UNC5D: variants seen among roughly 807,000 people sequenced by gnomAD.
UNC5D encodes the protein netrin receptor UNC5D.
A neutral mutation model predicts 105.4 loss-of-function variants in UNC5D; 39 were observed. The observed-to-expected ratio is 0.37, with a 90% CI of 0.29 to 0.48. The LOEUF is 0.48. Among genes scored for constraint, UNC5D ranks in the 20% least tolerant of loss-of-function variants. The probability of loss-of-function intolerance (pLI) is 0.98; values close to 1 mark genes in which losing one functional copy is unlikely to be tolerated. For missense variants in UNC5D, 991 were observed against 1,202.4 expected, an observed-to-expected ratio of 0.82 and a Z score of 2.60; for synonymous variants, 452 against 450.4, an observed-to-expected ratio of 1.00 and a Z score of -0.04.
At chr8:35,784,991 GTTTCAT>G (rs1300544683) in intron 16 of UNC5D, among the ~76,000 whole-genome samples, 2 of 151,748 alleles carry the variant, frequency 1.3e-5, no homozygotes, top group African/African-American at 4.8e-5. Context: ...GAAAAAAATA[GTTTCAT>G]TTTCAGGCAT....
chr8:35,582,709 T>A (rs984257505), intron 3 of UNC5D, among the ~76,000 whole-genome samples: 6 of 152,254 alleles, frequency 3.9e-5, no homozygotes, highest in Admixed American at 3.3e-4. Flanking sequence ...CTTTTCTTTT[T>A]GACTCTTTTC....
chr8:35,604,050 C>G (rs1444743272), intron 4 of UNC5D, among the ~76,000 whole-genome samples: 1 of 152,050 alleles, frequency 6.6e-6, no homozygotes, highest in South Asian at 2.1e-4. Context: ...TACATTTAAG[C>G]TTAGTATTGT....
chr8:35,646,119 C>T (rs1450310447), intron 4 of UNC5D, among the ~76,000 whole-genome samples: 1 of 152,012 alleles, frequency 6.6e-6, no homozygotes, highest in Non-Finnish European at 1.5e-5. Flanking sequence ...CATTGGCATG[C>T]AATTTAGTAG....
chr8:35,722,982 C>G (rs939840025), intron 9 of UNC5D, among the ~76,000 whole-genome samples: 2 of 151,860 alleles, frequency 1.3e-5, no homozygotes, highest in African/African-American at 4.8e-5. Flanking sequence ...TCATGTCAAA[C>G]TGTATCATGT....
At chr8:35,411,813 G>A (rs565211711) in intron 1 of UNC5D, among the ~76,000 whole-genome samples, 9 of 151,764 alleles carry the variant, frequency 5.9e-5, no homozygotes, top group East Asian at 3.9e-4. Context: ...AATGTTTATC[G>A]GAAGTACCCA....
At chr8:35,287,402 T>A (rs3744) in intron 1 of UNC5D, among the ~76,000 whole-genome samples, 67,999 of 151,850 alleles carry the variant, frequency 0.45, 15,624 homozygotes, top group East Asian at 0.7. Flanking sequence ...ATAAACAAAA[T>A]GAAAAGTTTG....
chr8:35,387,975 A>T (rs1803514543), intron 1 of UNC5D, among the ~76,000 whole-genome samples: 1 of 152,238 alleles, frequency 6.6e-6, no homozygotes, highest in Admixed American at 6.5e-5. Context: ...CAGGTTTCCC[A>T]AAGAGCAGGA....
intron 4 of UNC5D, among the ~76,000 whole-genome samples, chr8:35,609,069 G>GT (rs554301418): frequency 2.0e-5 from 3 of 151,742 alleles, no homozygotes; most frequent in Admixed American, 1.3e-4. Flanking sequence ...TCAACATCCA[G>GT]TTTTTTTTAA....
intron 1 of UNC5D, among the ~76,000 whole-genome samples, chr8:35,260,960 G>T (rs896656931): frequency 6.6e-6 from 1 of 152,114 alleles, no homozygotes; most frequent in Non-Finnish European, 1.5e-5. Context: ...AGTATAATCT[G>T]ATAAAGAACA....
At chr8:35,568,931 A>G (rs1817543736) in intron 3 of UNC5D, among the ~76,000 whole-genome samples, 1 of 152,152 alleles carries the variant, frequency 6.6e-6, no homozygotes, top group African/African-American at 2.4e-5. Context: ...GCAAATCTGC[A>G]AGAATACTAC....
At chr8:35,448,117 G>T in intron 1 of UNC5D, among the ~76,000 whole-genome samples, 1 of 151,974 alleles carries the variant, frequency 6.6e-6, no homozygotes, top group East Asian at 1.9e-4. Flanking sequence ...ATTTTTAAAT[G>T]AACTGGCTGA....
At chr8:35,642,563 C>T (rs1414535198) in intron 4 of UNC5D, among the ~76,000 whole-genome samples, 6 of 152,054 alleles carry the variant, frequency 3.9e-5, no homozygotes, top group South Asian at 2.1e-4. Flanking sequence ...TCTGATAAAC[C>T]GAGTTGCACT....
At chr8:35,672,128 T>C (rs935607025) in intron 4 of UNC5D, among the ~76,000 whole-genome samples, 2 of 152,294 alleles carry the variant, frequency 1.3e-5, no homozygotes, top group South Asian at 2.1e-4. Flanking sequence ...GTATCATTAA[T>C]TGTATGTAAC....
At chr8:35,401,800 T>C (rs1804483668) in intron 1 of UNC5D, among the ~76,000 whole-genome samples, 1 of 152,182 alleles carries the variant, frequency 6.6e-6, no homozygotes, top group South Asian at 2.1e-4. Flanking sequence ...TAGAAAACTG[T>C]CTTGGATGAA....
intron 1 of UNC5D, among the ~76,000 whole-genome samples, chr8:35,390,448 A>T (rs371427397): frequency 5.9e-5 from 9 of 152,022 alleles, no homozygotes; most frequent in African/African-American, 1.7e-4. Context: ...TTTTTCTAAG[A>T]TTCTTTTAAG....
At chr8:35,519,181 T>C (rs1436721023) in intron 1 of UNC5D, among the ~76,000 whole-genome samples, 1 of 152,168 alleles carries the variant, frequency 6.6e-6, no homozygotes, top group Non-Finnish European at 1.5e-5. Context: ...ATAGTTCTAA[T>C]CAATTCTTTT....
intron 1 of UNC5D, among the ~76,000 whole-genome samples, chr8:35,408,264 T>C (rs1804936364): frequency 6.6e-6 from 1 of 152,044 alleles, no homozygotes; most frequent in Non-Finnish European, 1.5e-5. Flanking sequence ...AGGAACTAGT[T>C]TATCATCTCC....
At chr8:35,340,835 G>A (rs1465989812) in intron 1 of UNC5D, among the ~76,000 whole-genome samples, 2 of 152,080 alleles carry the variant, frequency 1.3e-5, no homozygotes, top group Admixed American at 1.3e-4. Context: ...CAAATCTAAT[G>A]TTATATGGGT....
intron 1 of UNC5D, among the ~76,000 whole-genome samples, chr8:35,442,898 T>TCA (rs1807516022): frequency 1.5e-5 from 2 of 134,238 alleles, no homozygotes; most frequent in African/African-American, 6.2e-5. Flanking sequence ...TCTCTCTCTC[T>TCA]CTCTCTCACA....
Sources: gnomAD v4.1 joint callset for allele counts (sites outside exome capture counted in the v4.1 genomes callset) on GRCh38, gnomAD v4.1.1 for gene constraint, MANE v1.5 for transcripts, NCBI Gene and HGNC (gene_info 2026-07-23, HGNC 2026-07-21) for gene names.